The following C7orf78 variants were observed in gnomAD, a reference collection of about 807,000 sequenced individuals.
The protein encoded by C7orf78 is chromosome 7 open reading frame 78.
At chr7:12,484,777 T>A in the C7orf78 span, among the ~76,000 whole-genome samples, 1 of 152,146 alleles carries the variant, frequency 6.6e-6, no homozygotes, top group Admixed American at 6.5e-5. Flanking sequence ...AATACTTTTT[T>A]CTGATTCTTT....
chr7:12,495,415 G>A, the C7orf78 span, among the ~76,000 whole-genome samples: 6 of 152,250 alleles, frequency 3.9e-5, no homozygotes, highest in South Asian at 2.1e-4. Context: ...ACTGCCAGTC[G>A]TCTTATTGTG....
the C7orf78 span, among the ~76,000 whole-genome samples, chr7:12,535,736 C>T: frequency 6.6e-3 from 1,012 of 152,272 alleles, 14 homozygotes; most frequent in African/African-American, 0.023. Flanking sequence ...GATACAATGG[C>T]GGTACAGGCA....
At chr7:12,531,592 C>T in the C7orf78 span, among the ~76,000 whole-genome samples, 1 of 152,030 alleles carries the variant, frequency 6.6e-6, no homozygotes, top group African/African-American at 2.4e-5. Flanking sequence ...TCAATTATTA[C>T]TATTATTGTT....
At chr7:12,532,058 T>C in the C7orf78 span, among the ~76,000 whole-genome samples, 1 of 152,162 alleles carries the variant, frequency 6.6e-6, no homozygotes, top group Non-Finnish European at 1.5e-5. Flanking sequence ...TGCCATCTTG[T>C]CTGCTCCTTA....
At chr7:12,523,846 T>C in the C7orf78 span, among the ~76,000 whole-genome samples, 4 of 152,218 alleles carry the variant, frequency 2.6e-5, no homozygotes, top group African/African-American at 9.6e-5. Flanking sequence ...CTTTAATGAA[T>C]CTTTTGGATG....
At chr7:12,487,103 C>G in the C7orf78 span, 1 of 151,920 alleles carries the variant, frequency 6.6e-6, no homozygotes, top group African/African-American at 2.4e-5. Flanking sequence ...GACTAGTTTC[C>G]TATCTCTGCA....
chr7:12,540,502 A>G, the C7orf78 span, among the ~76,000 whole-genome samples: 1 of 152,094 alleles, frequency 6.6e-6, no homozygotes, highest in African/African-American at 2.4e-5. Context: ...GTCAGGTATT[A>G]TAATTATTAT....
At chr7:12,507,562 T>G in the C7orf78 span, 1 of 158,460 alleles carries the variant, frequency 6.3e-6, no homozygotes, top group Non-Finnish European at 1.4e-5. Flanking sequence ...CTGCTGAAAG[T>G]TTTAAAATTT....
the C7orf78 span, among the ~76,000 whole-genome samples, chr7:12,508,315 T>C: frequency 6.6e-6 from 1 of 152,180 alleles, no homozygotes; most frequent in East Asian, 1.9e-4. Flanking sequence ...TAAATATGCT[T>C]ATTTTTGAGA....
At chr7:12,504,868 T>C in the C7orf78 span, among the ~76,000 whole-genome samples, 1 of 152,132 alleles carries the variant, frequency 6.6e-6, no homozygotes, top group East Asian at 1.9e-4. Flanking sequence ...ATATTACATT[T>C]TTTTATATTG....
chr7:12,484,586 T>C, the C7orf78 span, among the ~76,000 whole-genome samples: 1 of 152,218 alleles, frequency 6.6e-6, no homozygotes, highest in African/African-American at 2.4e-5. Context: ...GTATGTATAA[T>C]GTATAACGTA....
the C7orf78 span, among the ~76,000 whole-genome samples, chr7:12,489,310 T>C: frequency 6.6e-6 from 1 of 152,128 alleles, no homozygotes; most frequent in Non-Finnish European, 1.5e-5. Flanking sequence ...TGCTCAAGTG[T>C]CTTTAACTCA....
the C7orf78 span, among the ~76,000 whole-genome samples, chr7:12,540,652 C>T: frequency 2.8e-4 from 43 of 152,094 alleles, 1 homozygote; most frequent in South Asian, 2.1e-4. Context: ...CTGGTAAGTA[C>T]GAAAAATAAA....
the C7orf78 span, among the ~76,000 whole-genome samples, chr7:12,504,876 T>C: frequency 6.6e-6 from 1 of 152,120 alleles, no homozygotes; most frequent in South Asian, 2.1e-4. Flanking sequence ...TTTTTTTATA[T>C]TGACAACTTA....
At chr7:12,494,611 A>G in the C7orf78 span, among the ~76,000 whole-genome samples, 1 of 107,476 alleles carries the variant, frequency 9.3e-6, no homozygotes, top group Non-Finnish European at 1.9e-5. Flanking sequence ...TTACTCATGC[A>G]TAGCCCTACT....
At chr7:12,486,948 C>T in the C7orf78 span, 1 of 47,564 alleles carries the variant, frequency 2.1e-5, no homozygotes, top group Admixed American at 2.2e-4. Flanking sequence ...AATTTATACA[C>T]CTCCTTTTTT....
At chr7:12,523,499 C>A in the C7orf78 span, 7 of 396,602 alleles carry the variant, frequency 1.8e-5, no homozygotes, top group Admixed American at 2.6e-4. Context: ...TTATTCATTT[C>A]TTAATGAGAA....
chr7:12,502,626 T>C, the C7orf78 span, among the ~76,000 whole-genome samples: 9 of 151,722 alleles, frequency 5.9e-5, no homozygotes, highest in East Asian at 1.9e-4. Context: ...CACTTTTACA[T>C]TGTTGGTGGG....
the C7orf78 span, among the ~76,000 whole-genome samples, chr7:12,509,720 G>GTT: frequency 6.6e-6 from 1 of 152,154 alleles, no homozygotes; most frequent in Non-Finnish European, 1.5e-5. Context: ...AACATGCAGT[G>GTT]TTTGCCTTTC....
Sources: gnomAD v4.1 joint callset for allele counts (sites outside exome capture counted in the v4.1 genomes callset) on GRCh38, gnomAD v4.1.1 for gene constraint, MANE v1.5 for transcripts, NCBI Gene and HGNC (gene_info 2026-07-23, HGNC 2026-07-21) for gene names.